IRF2: variants seen among roughly 807,000 people sequenced by gnomAD.
IRF2 encodes the protein interferon regulatory factor 2.
A neutral mutation model predicts 40.6 loss-of-function variants in IRF2; 15 were observed. The observed-to-expected ratio is 0.37, with a 90% CI of 0.25 to 0.57. IRF2 has a LOEUF of 0.57. Among genes scored for constraint, IRF2 ranks in the 20% least tolerant of loss-of-function variants. The probability of loss-of-function intolerance (pLI) is 0.77; values close to 1 mark genes in which losing one functional copy is unlikely to be tolerated. For missense variants in IRF2, 317 were observed against 455.7 expected (o/e 0.70, Z 2.77); for synonymous variants, 151 against 165.5 (o/e 0.91, Z 0.67).
chr4:184,404,422 T>C (rs1236458001), intron 6 of IRF2, among the ~76,000 whole-genome samples: 2 of 152,326 alleles, frequency 1.3e-5, no homozygotes, highest in Non-Finnish European at 2.9e-5. Context: ...TTTACCCCCT[T>C]CTAGCCCCAG....
At chr4:184,440,645 CT>C (rs1249630723) in intron 1 of IRF2, among the ~76,000 whole-genome samples, 1 of 152,200 alleles carries the variant, frequency 6.6e-6, no homozygotes, top group Non-Finnish European at 1.5e-5. Flanking sequence ...ATCTTTTTTG[CT>C]TTCTTCTCCC....
chr4:184,429,152 C>G, intron 1 of IRF2, 82 bp from the exon 2 acceptor site: 1 of 975,522 alleles, frequency 1.0e-6, no homozygotes, highest in Non-Finnish European at 1.6e-6. Flanking sequence ...CCCCGCCTGA[C>G]TCTTTCCTTC....
At chr4:184,417,284 C>G (rs1300023879) in intron 5 of IRF2, among the ~76,000 whole-genome samples, 2 of 152,050 alleles carry the variant, frequency 1.3e-5, no homozygotes, top group African/African-American at 4.8e-5. Context: ...AAAATTAGGC[C>G]TTTAATACAG....
intron 6 of IRF2, among the ~76,000 whole-genome samples, chr4:184,402,787 G>C (rs151337434): frequency 6.6e-6 from 1 of 152,294 alleles, no homozygotes; most frequent in East Asian, 1.9e-4. Flanking sequence ...TGGGTGCGAG[G>C]GCTGGGGCCA....
intron 1 of IRF2, among the ~76,000 whole-genome samples, chr4:184,449,440 T>C (rs1345248973): frequency 6.6e-6 from 1 of 152,264 alleles, no homozygotes; most frequent in Admixed American, 6.5e-5. Context: ...AAGTCAATTC[T>C]GTTTTGTTCA....
chr4:184,404,144 A>G (rs559476013), intron 6 of IRF2, among the ~76,000 whole-genome samples: 9 of 152,174 alleles, frequency 5.9e-5, no homozygotes, highest in Non-Finnish European at 8.8e-5. Context: ...TGGTCCTACC[A>G]TTTTACAGTT....
At chr4:184,419,679 G>T in intron 2 of IRF2, 111 bp from the exon 3 acceptor site, 2 of 711,830 alleles carry the variant, frequency 2.8e-6, no homozygotes, top group South Asian at 1.7e-5. Context: ...AAGCATCGCT[G>T]AATGTGTTGA....
At chr4:184,424,684 G>C (rs11947287) in intron 2 of IRF2, among the ~76,000 whole-genome samples, 2 of 152,088 alleles carry the variant, frequency 1.3e-5, no homozygotes, top group African/African-American at 2.4e-5. Flanking sequence ...CTCCATAACT[G>C]TAAGAAATAA....
chr4:184,433,938 C>G (rs1389616439), intron 1 of IRF2, among the ~76,000 whole-genome samples: 4 of 152,160 alleles, frequency 2.6e-5, no homozygotes, highest in African/African-American at 9.7e-5. Flanking sequence ...AAGCCTAGCA[C>G]CAGAAACGGA....
chr4:184,452,888 T>C (rs776453314), intron 1 of IRF2, among the ~76,000 whole-genome samples: 1 of 151,510 alleles, frequency 6.6e-6, no homozygotes, highest in Non-Finnish European at 1.5e-5. Context: ...ACATGCACTA[T>C]GGGAGTATAA....
intron 1 of IRF2, among the ~76,000 whole-genome samples, chr4:184,434,212 G>A (rs753173062): frequency 7.2e-5 from 11 of 152,194 alleles, no homozygotes; most frequent in Non-Finnish European, 1.3e-4. Context: ...GACACAGAGC[G>A]GCTATGTTTG....
intron 7 of IRF2, among the ~76,000 whole-genome samples, chr4:184,398,454 CGA>C (rs1474395437): frequency 1.3e-5 from 2 of 151,964 alleles, no homozygotes; most frequent in African/African-American, 4.8e-5. Context: ...GTCAGGAGCT[CGA>C]GACCAGCCTG....
At chr4:184,420,977 T>C (rs1328742487) in intron 2 of IRF2, among the ~76,000 whole-genome samples, 4 of 152,378 alleles carry the variant, frequency 2.6e-5, no homozygotes, top group East Asian at 1.9e-4. Flanking sequence ...CCCTGTCCTA[T>C]GACAGACCAG....
intron 8 of IRF2, among the ~76,000 whole-genome samples, chr4:184,389,532 C>T (rs1387639224): frequency 2.0e-5 from 3 of 152,322 alleles, no homozygotes; most frequent in African/African-American, 4.8e-5. Flanking sequence ...AGCACCTCTA[C>T]ATCCCTCAAC....
At chr4:184,428,919 G>T in intron 2 of IRF2, 59 bp downstream of exon 2, 7 of 1,325,500 alleles carry the variant, frequency 5.3e-6, no homozygotes, top group Non-Finnish European at 7.6e-6. Flanking sequence ...TCAGCAGTCC[G>T]CATGGGCGTG....
chr4:184,446,350 C>CAGCCAGG (rs1239406073), intron 1 of IRF2, among the ~76,000 whole-genome samples: 2 of 152,190 alleles, frequency 1.3e-5, no homozygotes, highest in African/African-American at 4.8e-5. Context: ...GCTGGGGCAG[C>CAGCCAGG]AGCCACCTGG....
At chr4:184,418,810 C>A (rs187485569) in intron 3 of IRF2, 102 bp from the exon 4 acceptor site, 4 of 924,130 alleles carry the variant, frequency 4.3e-6, no homozygotes, top group Non-Finnish European at 6.6e-6. Flanking sequence ...TATAAGGAAA[C>A]CTTTTCACTC....
chr4:184,393,878 C>T (rs994833015), intron 7 of IRF2, among the ~76,000 whole-genome samples: 6 of 152,170 alleles, frequency 3.9e-5, no homozygotes, highest in Admixed American at 6.5e-5. Flanking sequence ...GGATGCACTG[C>T]GCCCCGTGTC....
At chr4:184,433,284 C>A (rs188385814) in intron 1 of IRF2, among the ~76,000 whole-genome samples, 166 of 152,294 alleles carry the variant, frequency 1.1e-3, no homozygotes, top group African/African-American at 3.5e-3. Context: ...CTCTGACAAG[C>A]CCCTAGGTCC....
Sources: gnomAD v4.1 joint callset for allele counts (sites outside exome capture counted in the v4.1 genomes callset) on GRCh38, gnomAD v4.1.1 for gene constraint, MANE v1.5 for transcripts, NCBI Gene and HGNC (gene_info 2026-07-23, HGNC 2026-07-21) for gene names.